The following POLA1 variants were observed in gnomAD, a reference collection of about 807,000 sequenced individuals.
POLA1 encodes the protein DNA polymerase alpha 1, catalytic subunit, also known as DNA polymerase alpha catalytic subunit.
A neutral mutation model predicts 124.0 loss-of-function variants in POLA1; 15 were observed. That is an observed-to-expected ratio of 0.12 (90% confidence interval 0.08 to 0.19). POLA1 has a LOEUF of 0.19. Among genes scored for constraint, POLA1 ranks in the 10% least tolerant of loss-of-function variants. The probability of loss-of-function intolerance (pLI) is 1.00; values close to 1 mark genes in which losing one functional copy is unlikely to be tolerated. For missense variants in POLA1, 886 were observed against 1,103.4 expected (o/e 0.80, Z 2.79); for synonymous variants, 408 against 389.4 (o/e 1.05, Z -0.56).
intron 26 of POLA1, among the ~76,000 whole-genome samples, chrX:24,799,636 A>G (rs1188989417): frequency 8.9e-6 from 1 of 111,790 alleles, no homozygotes; most frequent in Non-Finnish European, 1.9e-5. Context: ...GCTTTGAAAG[A>G]GTTAATGGTA....
intron 26 of POLA1, among the ~76,000 whole-genome samples, chrX:24,755,678 A>G (rs1412009595): frequency 9.0e-6 from 1 of 111,681 alleles, no homozygotes; most frequent in Non-Finnish European, 1.9e-5. Flanking sequence ...TCTAATTTTA[A>G]TGCCAGATAT....
intron 34 of POLA1, among the ~76,000 whole-genome samples, chrX:24,861,235 C>T (rs1186414475): frequency 2.7e-5 from 3 of 112,272 alleles, no homozygotes; most frequent in East Asian, 2.8e-4. Flanking sequence ...CCAGCTCAAG[C>T]GATTCTCCCG....
At chrX:24,907,249 A>G (rs754783758) in intron 35 of POLA1, among the ~76,000 whole-genome samples, 2 of 110,955 alleles carry the variant, frequency 1.8e-5, no homozygotes, top group South Asian at 3.9e-4. Flanking sequence ...GGGAGGGGGA[A>G]AAAGGAGCCT....
intron 26 of POLA1, among the ~76,000 whole-genome samples, chrX:24,776,189 CACCTTTT>C (rs1257404852): frequency 8.9e-6 from 1 of 112,269 alleles, no homozygotes; most frequent in Non-Finnish European, 1.9e-5. Flanking sequence ...TTATTTTATC[CACCTTTT>C]ACCCAGTTAA....
intron 33 of POLA1, among the ~76,000 whole-genome samples, chrX:24,842,213 C>A (rs5944689): frequency 0.45 from 50,182 of 110,780 alleles, 8,738 homozygotes; most frequent in African/African-American, 0.66. Context: ...AATCAAGTTA[C>A]TGGGAACTAA....
chrX:24,898,154 T>G (rs766451958), intron 35 of POLA1, among the ~76,000 whole-genome samples: 1 of 112,476 alleles, frequency 8.9e-6, no homozygotes, highest in Non-Finnish European at 1.9e-5. Context: ...GGGCTTCCTT[T>G]TTTCCAGTGG....
chrX:24,795,905 G>T (rs1036232808), intron 26 of POLA1, among the ~76,000 whole-genome samples: 1 of 111,335 alleles, frequency 9.0e-6, no homozygotes, highest in African/African-American at 3.3e-5. Context: ...TGAAAACTGT[G>T]AGACATTTGA....
chrX:24,934,549 T>C (rs1220008235), intron 36 of POLA1, among the ~76,000 whole-genome samples: 1 of 112,583 alleles, frequency 8.9e-6, no homozygotes, highest in Admixed American at 9.4e-5. Context: ...GTTTCTGTTC[T>C]CATTTAGTAG....
intron 36 of POLA1, among the ~76,000 whole-genome samples, chrX:24,950,524 TTC>T (rs1010303601): frequency 1.2e-4 from 13 of 112,151 alleles, no homozygotes; most frequent in Non-Finnish European, 2.4e-4. Context: ...ATCAAAAGAT[TTC>T]TGTTAGGTTT....
At chrX:24,787,921 A>G (rs1401098350) in intron 26 of POLA1, among the ~76,000 whole-genome samples, 1 of 112,238 alleles carries the variant, frequency 8.9e-6, no homozygotes, top group East Asian at 2.8e-4. Context: ...ATAAAATTGT[A>G]GGCCAGTATC....
chrX:24,741,152 C>CGTGT (rs36092075), intron 20 of POLA1, among the ~76,000 whole-genome samples: 4 of 66,204 alleles, frequency 6.0e-5, no homozygotes. Flanking sequence ...TGTGTGCGCG[C>CGTGT]GTGTGTGTGT....
At position 24,760,209 on chromosome X, in the gene POLA1, T is replaced by C. The variant is rs11573378; in HGVS notation, c.2964+11217T>C. On this transcript the variant is annotated intron_variant, in intron 26 of 36. Transcript: ENST00000379068. ...AAGAATAATCATATAACTTCACTTT[T>C]TTCTCCCATATAATTTTTTTTTCTT... 3.0e-3 allele frequency among the ~76,000 whole-genome samples: 333 copies of C among 112,252 alleles called. 2 individuals are homozygous for C. Among genetic ancestry groups the C allele is most frequent in the African/African-American group, 0.01 (315 of 30,871 alleles).
At chrX:24,779,581 A>G (rs1460472083) in intron 26 of POLA1, among the ~76,000 whole-genome samples, 1 of 111,989 alleles carries the variant, frequency 8.9e-6, no homozygotes, top group African/African-American at 3.2e-5. Context: ...GCATTTTACC[A>G]TTTGAGGAAA....
intron 36 of POLA1, among the ~76,000 whole-genome samples, chrX:24,966,165 C>A (rs1439429493): frequency 8.9e-6 from 1 of 112,373 alleles, no homozygotes; most frequent in Non-Finnish European, 1.9e-5. Context: ...ATGCATCGTT[C>A]TTCAAGTTTT....
intron 36 of POLA1, among the ~76,000 whole-genome samples, chrX:24,980,994 G>C (rs2048414056): frequency 8.9e-6 from 1 of 111,811 alleles, no homozygotes; most frequent in African/African-American, 3.3e-5. Flanking sequence ...TTTGATAAGT[G>C]GTGAGCATCC....
At chrX:24,865,131 C>T (rs972045536) in intron 34 of POLA1, among the ~76,000 whole-genome samples, 1 of 111,702 alleles carries the variant, frequency 9.0e-6, no homozygotes, top group Non-Finnish European at 1.9e-5. Flanking sequence ...TTTCAGAAAG[C>T]CTCCTCCATA....
At chrX:24,914,553 C>T (rs1170000273) in intron 35 of POLA1, among the ~76,000 whole-genome samples, 1 of 104,409 alleles carries the variant, frequency 9.6e-6, no homozygotes, top group Non-Finnish European at 2.0e-5. Context: ...GAAAGTCATT[C>T]CTAAAAATTG....
At chrX:24,697,942 ATT>A (rs563410574) in intron 1 of POLA1, among the ~76,000 whole-genome samples, 18 of 99,853 alleles carry the variant, frequency 1.8e-4, no homozygotes, top group African/African-American at 1.5e-4. Context: ...CTGTGGATGA[ATT>A]TTTTTTTTTT....
chrX:24,758,148 C>T (rs770942907), intron 26 of POLA1, among the ~76,000 whole-genome samples: 16 of 110,795 alleles, frequency 1.4e-4, no homozygotes, highest in African/African-American at 3.9e-4. Context: ...GAGAGAAATG[C>T]GATGATAAAA....
Sources: gnomAD v4.1 joint callset for allele counts (sites outside exome capture counted in the v4.1 genomes callset) on GRCh38, gnomAD v4.1.1 for gene constraint, MANE v1.5 for transcripts, NCBI Gene and HGNC (gene_info 2026-07-23, HGNC 2026-07-21) for gene names.